The following PAK5 variants were observed in gnomAD, a reference collection of about 807,000 sequenced individuals.
PAK5 encodes serine/threonine-protein kinase PAK 5.
PAK5 carries 16 observed loss-of-function variants against 65.9 expected under a neutral mutation model. That is an observed-to-expected ratio of 0.24 (90% CI 0.16 to 0.37). PAK5 has a LOEUF of 0.37. Among genes scored for constraint, PAK5 ranks in the 10% least tolerant of loss-of-function variants. PAK5 has a pLI of 1.00. For synonymous variants in PAK5, 371 were observed against 354.9 expected, an observed-to-expected ratio of 1.05 and a Z score of -0.51; for missense variants, 785 against 903.9, an observed-to-expected ratio of 0.87 and a Z score of 1.69.
Position 9,580,757 on chromosome 20 carries a change from G to A in PAK5, c.378C>T (p.Ile126=), listed in dbSNP as rs1012535845. 29 of 1,613,952 alleles carry A rather than the reference G, an allele frequency of 1.8e-5. No individual in the cohort carries two copies. Among genetic ancestry groups the A allele is most frequent in the Admixed American group, 3.3e-5 (2 of 59,990 alleles). ...ATTCGCTGGAATACTGGGAGAAGGT[G>A]ATGAAGCCATTTTCTTCCGCGTGGC... ...GPGHAEENGF[I]TFSQYSSESD... Residue 126 remains isoleucine (I), a synonymous_variant, in exon 4 of 10, where the codon ATC becomes ATT. Coordinates refer to ENST00000353224, the MANE Select transcript of PAK5 (RefSeq NM_177990.4).
At chr20:9,556,592 A>G (rs948637334) in intron 7 of PAK5, among the ~76,000 whole-genome samples, 1 of 152,210 alleles carries the variant, frequency 6.6e-6, no homozygotes, top group Admixed American at 6.5e-5. Flanking sequence ...GCCTAATGGT[A>G]TAGAGCTATG....
At chr20:9,659,173 G>A (rs750682139) in intron 2 of PAK5, among the ~76,000 whole-genome samples, 1 of 152,208 alleles carries the variant, frequency 6.6e-6, no homozygotes, top group African/African-American at 2.4e-5. Context: ...CAATCAAAAT[G>A]AGATCTTCCA....
intron 1 of PAK5, chr20:9,818,642 A>T (rs970398395): frequency 9.9e-5 from 15 of 152,190 alleles, no homozygotes; most frequent in Non-Finnish European, 1.6e-4. Flanking sequence ...TTTAATATTT[A>T]ATCTCTGAAT....
At chr20:9,631,644 T>C (rs1436271438) in intron 3 of PAK5, among the ~76,000 whole-genome samples, 1 of 152,200 alleles carries the variant, frequency 6.6e-6, no homozygotes, top group Non-Finnish European at 1.5e-5. Context: ...GACTCTGAAC[T>C]CAGAGAAACT....
At chr20:9,595,138 GAT>G (rs991030093) in intron 3 of PAK5, among the ~76,000 whole-genome samples, 1 of 150,764 alleles carries the variant, frequency 6.6e-6, no homozygotes, top group African/African-American at 2.4e-5. Context: ...GAGAGAGAGA[GAT>G]AGTATCAAAT....
At chr20:9,666,458 A>G (rs1366806321) in intron 2 of PAK5, among the ~76,000 whole-genome samples, 1 of 152,040 alleles carries the variant, frequency 6.6e-6, no homozygotes, top group African/African-American at 2.4e-5. Flanking sequence ...AAAGAGAAAG[A>G]AAGAAAGAAT....
At chr20:9,715,815 A>G (rs2048138497) in intron 1 of PAK5, among the ~76,000 whole-genome samples, 1 of 148,118 alleles carries the variant, frequency 6.8e-6, no homozygotes, top group Non-Finnish European at 1.5e-5. Context: ...CAAACACCAT[A>G]TGTTCTCACT....
intron 1 of PAK5, chr20:9,784,550 T>G (rs954275272): frequency 6.6e-6 from 1 of 152,064 alleles, no homozygotes; most frequent in Non-Finnish European, 1.5e-5. Flanking sequence ...AAATAGTATT[T>G]GTGGATTGAG....
At chr20:9,706,806 C>T (rs543228049) in intron 2 of PAK5, among the ~76,000 whole-genome samples, 2 of 151,972 alleles carry the variant, frequency 1.3e-5, no homozygotes, top group South Asian at 2.1e-4. Flanking sequence ...CCAAGCCCAA[C>T]CTACAAATTT....
In PAK5 at chr20:9,539,399, T is replaced by G; in HGVS notation, c.*63A>C. 6.6e-7 allele frequency: 1 copy of G among 1,525,226 alleles called. No individual in the cohort carries two copies. Among genetic ancestry groups the G allele is most frequent in the East Asian group, 2.3e-5 (1 of 44,246 alleles). The allele number at this position is 1,525,226 out of a possible 1,614,324, so 94.5% of individuals were successfully genotyped here. ...GGCCTTTTGCATGTTCTGTGTTTCC[T>G]TTTGTTCTCCTGAATTATTCTCATG... On this transcript the variant is annotated 3_prime_UTR_variant, in exon 10 of 10. Transcript: ENST00000353224.
chr20:9,773,561 A>G (rs2048856471), intron 1 of PAK5, among the ~76,000 whole-genome samples: 1 of 152,184 alleles, frequency 6.6e-6, no homozygotes, highest in African/African-American at 2.4e-5. Flanking sequence ...CCCAAAGCCA[A>G]GTTACACATT....
intron 1 of PAK5, among the ~76,000 whole-genome samples, chr20:9,798,799 A>T (rs2049134597): frequency 6.6e-6 from 1 of 152,102 alleles, no homozygotes; most frequent in South Asian, 2.1e-4. Context: ...ATGGTTCTCA[A>T]AGCACAGTCA....
chr20:9,568,123 G>A (rs1482433001), intron 4 of PAK5, among the ~76,000 whole-genome samples: 1 of 152,198 alleles, frequency 6.6e-6, no homozygotes, highest in Admixed American at 6.5e-5. Flanking sequence ...TGGCAAAGAC[G>A]TTGGCTTTTG....
chr20:9,730,790 C>G (rs955949904), intron 1 of PAK5, among the ~76,000 whole-genome samples: 1 of 152,202 alleles, frequency 6.6e-6, no homozygotes, highest in Non-Finnish European at 1.5e-5. Context: ...ATTTCAAATT[C>G]TTGTATGCTG....
intron 1 of PAK5, among the ~76,000 whole-genome samples, chr20:9,802,910 G>GTGTGTATATATATA (rs142279832): frequency 0.025 from 1,141 of 46,390 alleles, 55 homozygotes; most frequent in Non-Finnish European, 0.035. Context: ...ATATGTATGT[G>GTGTGTATATATATA]TATATATATA....
chr20:9,574,911 C>T (rs189129681), intron 4 of PAK5, among the ~76,000 whole-genome samples: 32 of 152,260 alleles, frequency 2.1e-4, no homozygotes, highest in African/African-American at 7.7e-4. Context: ...TTCCATAACC[C>T]ATTAAACCCT....
intron 4 of PAK5, among the ~76,000 whole-genome samples, chr20:9,572,713 A>C (rs1308316073): frequency 6.6e-6 from 1 of 152,240 alleles, no homozygotes; most frequent in Non-Finnish European, 1.5e-5. Flanking sequence ...TTATGTACAT[A>C]GTTTACCCTT....
intron 3 of PAK5, among the ~76,000 whole-genome samples, chr20:9,610,519 A>C (rs760477825): frequency 1.7e-4 from 26 of 152,336 alleles, no homozygotes; most frequent in Non-Finnish European, 3.8e-4. Flanking sequence ...ATATATTAAT[A>C]TATTTAGCCA....
At chr20:9,648,655 T>C (rs2047165426) in intron 2 of PAK5, among the ~76,000 whole-genome samples, 1 of 152,134 alleles carries the variant, frequency 6.6e-6, no homozygotes. Context: ...AGAGGAGGTG[T>C]TATTATCATC....
Sources: gnomAD v4.1 joint callset for allele counts (sites outside exome capture counted in the v4.1 genomes callset) on GRCh38, gnomAD v4.1.1 for gene constraint, MANE v1.5 for transcripts, NCBI Gene and HGNC (gene_info 2026-07-23, HGNC 2026-07-21) for gene names.